Variants in PKHD1L1 observed in about 807,000 individuals in gnomAD.
PKHD1L1 encodes fibrocystin-L.
A neutral mutation model predicts 462.9 loss-of-function variants in PKHD1L1; 434 were observed. The ratio of observed to expected loss-of-function variants is 0.94; its 90% CI spans 0.87 to 1.02. The LOEUF is 1.02. Ranked by LOEUF, PKHD1L1 falls within the 50% of genes least tolerant of loss-of-function variation. The pLI is 0.00. For synonymous variants in PKHD1L1, 1,781 were observed against 1,750.0 expected, an observed-to-expected ratio of 1.02 and a Z score of -0.44; for missense variants, 5,202 against 5,096.1, an observed-to-expected ratio of 1.02 and a Z score of -0.63.
chr8:109,372,688 T>C (rs1811576952), intron 2 of PKHD1L1, among the ~76,000 whole-genome samples: 1 of 152,220 alleles, frequency 6.6e-6, no homozygotes, highest in African/African-American at 2.4e-5. Context: ...CATCAATACC[T>C]AATTTATTGA....
intron 73 of PKHD1L1, among the ~76,000 whole-genome samples, chr8:109,520,352 C>T (rs911870131): frequency 6.6e-6 from 1 of 152,082 alleles, no homozygotes; most frequent in Non-Finnish European, 1.5e-5. Context: ...TGAGCCCTTA[C>T]GTGTCGTGAG....
At chr8:109,364,290 GA>G (rs1811118723) in intron 1 of PKHD1L1, among the ~76,000 whole-genome samples, 1 of 152,204 alleles carries the variant, frequency 6.6e-6, no homozygotes, top group Admixed American at 6.5e-5. Context: ...GGTAAGTGAT[GA>G]AAATGATCAC....
Position 109,445,130 on chromosome 8 carries a change from T to G in PKHD1L1, c.5261T>G (p.Val1754Gly), listed in dbSNP as rs1563551088. The change falls in exon 38 of 78, where the codon GTC (valine) becomes GGC (glycine). Residue 1754 changes from valine (V) to glycine (G), a missense_variant. Transcript: ENST00000378402. ...LESITPYITGVFPNSVIGSVK... is the reference protein window; with the variant it reads ...LESITPYITGGFPNSVIGSVK... ...AGCATCACTCCTTACATAACAGGAG[T>G]CTTCCCAAACTCTGTCATAGGATCT... 3.7e-6 allele frequency: 6 copies of G among 1,613,676 alleles called. No individual in the cohort carries two copies. In the South Asian group the frequency reaches 6.6e-5, roughly 18 times the overall value.
chr8:109,443,201 G>A (rs920142075), intron 36 of PKHD1L1, 85 bp downstream of exon 36: 1 of 1,309,416 alleles, frequency 7.6e-7, no homozygotes, highest in Non-Finnish European at 1.1e-6. Context: ...AGATAACTGG[G>A]TCTAACTGTG....
chr8:109,444,534 T>G (rs1816005201), intron 37 of PKHD1L1, 127 bp from the exon 38 acceptor site: 1 of 899,128 alleles, frequency 1.1e-6, no homozygotes, highest in East Asian at 2.5e-5. Context: ...CAAATTAAAT[T>G]TATGAATAAA....
intron 19 of PKHD1L1, among the ~76,000 whole-genome samples, chr8:109,411,857 A>G (rs1484486273): frequency 1.3e-5 from 2 of 152,096 alleles, no homozygotes; most frequent in Non-Finnish European, 2.9e-5. Context: ...TACGATAATC[A>G]TTGGCTTCTT....
intron 58 of PKHD1L1, among the ~76,000 whole-genome samples, 191 bp downstream of exon 58, chr8:109,485,364 C>T (rs1818473838): frequency 6.6e-6 from 1 of 151,960 alleles, no homozygotes; most frequent in African/African-American, 2.4e-5. Context: ...TATGTGCTTT[C>T]ATTCATTCAG....
intron 2 of PKHD1L1, among the ~76,000 whole-genome samples, chr8:109,371,841 C>T (rs1346875645): frequency 2.6e-5 from 4 of 152,124 alleles, no homozygotes; most frequent in Non-Finnish European, 4.4e-5. Flanking sequence ...TCTGAGGTCT[C>T]TCTTCTGTTC....
rs564909384 is a variant in PKHD1L1 at position 109,424,376 on chromosome 8, G to T, written c.2698-709G>T. ...AACTTTTGCATTATTTCCAGGTTGAGGCTATTATGAATATAGCTGCTAGGA... is the reference window on the plus strand; with the variant it reads ...AACTTTTGCATTATTTCCAGGTTGATGCTATTATGAATATAGCTGCTAGGA... On this transcript the variant is annotated intron_variant, in intron 23 of 77. Coordinates refer to ENST00000378402, the MANE Select transcript of PKHD1L1 (RefSeq NM_177531.6). Among the ~76,000 whole-genome samples the T allele has an allele frequency of 3.3e-5, 5 of 152,128 alleles. No individual in the cohort carries two copies. The South Asian group carries it at 1.0e-3, about 32-fold the overall frequency.
At chr8:109,498,857 A>T in intron 67 of PKHD1L1, 86 bp downstream of exon 67, 1 of 1,207,978 alleles carries the variant, frequency 8.3e-7, no homozygotes, top group Non-Finnish European at 1.2e-6. Context: ...CATTGTTAGT[A>T]AAAATGATTT....
chr8:109,485,576 A>G (rs1818485285), intron 58 of PKHD1L1, among the ~76,000 whole-genome samples: 2 of 151,956 alleles, frequency 1.3e-5, no homozygotes, highest in African/African-American at 4.8e-5. Flanking sequence ...GGATAAAACT[A>G]TAATTGTTGA....
At chr8:109,431,879 C>A (rs146094366) in intron 27 of PKHD1L1, among the ~76,000 whole-genome samples, 7 of 152,048 alleles carry the variant, frequency 4.6e-5, no homozygotes, top group African/African-American at 9.7e-5. Context: ...TATGAGTATT[C>A]GGTTTACTAG....
chr8:109,488,853 T>G (rs79445050), intron 59 of PKHD1L1, among the ~76,000 whole-genome samples: 2,736 of 151,382 alleles, frequency 0.018, 29 homozygotes, highest in Non-Finnish European at 0.029. Flanking sequence ...ATCCTCATAA[T>G]GTTATGGCAT....
Position 109,438,414 on chromosome 8 carries a change from C to A in PKHD1L1, c.3718C>A (p.Pro1240Thr). 2.0e-6 allele frequency: 3 copies of A among 1,538,040 alleles called. No homozygotes were observed. The highest frequency in any genetic ancestry group is 2.6e-6 in the Non-Finnish European group (3 of 1,138,434). The change falls in exon 31 of 78, where the codon CCA becomes ACA. Residue 1240 changes from proline to threonine, a missense_variant. Coordinates refer to ENST00000378402, the MANE Select transcript of PKHD1L1 (RefSeq NM_177531.6). ...TTTTAGTTATAATTGTTTACAGACA[C>A]CAATTATAACTGATTTTAGTCCAAA... ...DAFSYNCLQTPIITDFSPKVR... is the reference protein window; with the variant it reads ...DAFSYNCLQTTIITDFSPKVR...
chr8:109,435,074 G>A (rs1458797504), intron 28 of PKHD1L1, 116 bp from the exon 29 acceptor site: 13 of 1,049,138 alleles, frequency 1.2e-5, no homozygotes, highest in Non-Finnish European at 1.6e-5. Context: ...GTTTTCTTTG[G>A]ATATACTTCG....
intron 21 of PKHD1L1, 123 bp downstream of exon 21, chr8:109,413,668 GCACAC>G: frequency 1.7e-6 from 1 of 604,994 alleles, no homozygotes; most frequent in Non-Finnish European, 2.5e-6. Flanking sequence ...GGCAAATAAT[GCACAC>G]AATGGATGTA....
chr8:109,418,966 TA>T, intron 21 of PKHD1L1, 130 bp from the exon 22 acceptor site: 1 of 696,118 alleles, frequency 1.4e-6, no homozygotes, highest in Non-Finnish European at 2.2e-6. Context: ...TTTTCTGTGC[TA>T]ATAAAGCTCC....
Position 109,443,752 on chromosome 8 carries a change from T to C in PKHD1L1, c.4641T>C (p.Asn1547=). Residue 1547 remains asparagine (N), a synonymous_variant, in exon 37 of 78, where the codon AAT becomes AAC. Transcript: ENST00000378402. ...CAGAACCCCTGTGCAGCCTGAACAATACCAGGGTTAAAAATTCAAAAAGAT... is the reference window on the plus strand; with the variant it reads ...CAGAACCCCTGTGCAGCCTGAACAACACCAGGGTTAAAAATTCAAAAAGAT... The part of the protein sequence containing the change: ...LATEPLCSLN[N]TRVKNSKRLL... 6.2e-7 allele frequency: 1 copy of C among 1,613,814 alleles called. No homozygotes were observed. Among genetic ancestry groups the C allele is most frequent in the Non-Finnish European group, 8.5e-7 (1 of 1,179,778 alleles).
chr8:109,488,820 T>C (rs1673382), intron 59 of PKHD1L1, among the ~76,000 whole-genome samples: 59,391 of 151,700 alleles, frequency 0.39, 11,832 homozygotes, highest in South Asian at 0.57. Flanking sequence ...GTGCTAAGCA[T>C]TAAACACATA....
Sources: allele counts gnomAD v4.1 joint callset (sites outside exome capture counted in the v4.1 genomes callset), GRCh38; gene constraint gnomAD v4.1.1; transcripts MANE v1.5; gene names NCBI Gene and HGNC (gene_info 2026-07-23, HGNC 2026-07-21).